The following DSCAML1 variants were observed in gnomAD, a reference collection of about 807,000 sequenced individuals.
DSCAML1 encodes cell adhesion molecule DSCAML1.
DSCAML1 carries 38 observed loss-of-function variants against 200.5 expected under a neutral mutation model. That is an observed-to-expected ratio of 0.19 (90% CI 0.15 to 0.25). The LOEUF (loss-of-function observed/expected upper bound fraction) is 0.25, where lower values mean the gene tolerates loss of function less well. Among genes scored for constraint, DSCAML1 ranks in the 10% least tolerant of loss-of-function variants. The probability of loss-of-function intolerance (pLI) is 1.00; values close to 1 mark genes in which losing one functional copy is unlikely to be tolerated. For synonymous variants in DSCAML1, 1,215 were observed against 1,165.0 expected, an observed-to-expected ratio of 1.04 and a Z score of -0.87; for missense variants, 2,223 against 2,858.8, an observed-to-expected ratio of 0.78 and a Z score of 5.07.
intron 1 of DSCAML1, among the ~76,000 whole-genome samples, chr11:117,810,621 T>C (rs761309669): frequency 1.3e-5 from 2 of 152,102 alleles, no homozygotes; most frequent in Non-Finnish European, 2.9e-5. Context: ...TAAAACCTCT[T>C]CAACTCTCAC....
intron 11 of DSCAML1, among the ~76,000 whole-genome samples, chr11:117,499,291 A>G (rs530996073): frequency 2.2e-4 from 33 of 152,156 alleles, no homozygotes; most frequent in African/African-American, 5.5e-4. Context: ...TTTATTTTCA[A>G]CCAAGTTCTG....
chr11:117,796,205 TCTGGACATGC>T (rs1379556778), intron 1 of DSCAML1, among the ~76,000 whole-genome samples: 1 of 152,078 alleles, frequency 6.6e-6, no homozygotes, highest in East Asian at 1.9e-4. Context: ...CAGCCGCAGG[TCTGGACATGC>T]CGGACACCTG....
upstream of DSCAML1, chr11:117,801,538 TTGAGA>T (rs572072774): frequency 2.4e-3 from 363 of 152,362 alleles, 1 homozygote; most frequent in African/African-American, 8.1e-3. Context: ...TACCATCTTC[TTGAGA>T]TGAGATGAAT....
chr11:117,431,954 C>A (rs2047808626), intron 30 of DSCAML1, among the ~76,000 whole-genome samples: 1 of 152,156 alleles, frequency 6.6e-6, no homozygotes, highest in African/African-American at 2.4e-5. Context: ...TCCCCGCCCA[C>A]CCCATCTTTT....
chr11:117,483,916 T>C (rs563022626), intron 11 of DSCAML1, among the ~76,000 whole-genome samples: 2 of 151,406 alleles, frequency 1.3e-5, no homozygotes, highest in Admixed American at 1.3e-4. Context: ...GGAATACCTC[T>C]TGTCACAGCA....
intron 3 of DSCAML1, among the ~76,000 whole-genome samples, chr11:117,537,749 C>T (rs958391318): frequency 1.3e-5 from 2 of 152,142 alleles, no homozygotes; most frequent in Admixed American, 6.5e-5. Flanking sequence ...TGTGCAGAGG[C>T]GGAAGCAGAG....
At chr11:117,581,359 G>C (rs2051035560) in intron 3 of DSCAML1, among the ~76,000 whole-genome samples, 1 of 152,130 alleles carries the variant, frequency 6.6e-6, no homozygotes, top group African/African-American at 2.4e-5. Context: ...ACCCATTTTA[G>C]TGTACAATTC....
At chr11:117,519,886 G>A (rs931883252) in intron 6 of DSCAML1, among the ~76,000 whole-genome samples, 5 of 152,196 alleles carry the variant, frequency 3.3e-5, no homozygotes, top group Non-Finnish European at 5.9e-5. Context: ...GAGGAATGAG[G>A]GCTTAGGTTC....
intron 3 of DSCAML1, among the ~76,000 whole-genome samples, chr11:117,600,914 C>T (rs565061694): frequency 6.6e-6 from 1 of 152,100 alleles, no homozygotes; most frequent in Admixed American, 6.5e-5. Context: ...TCCCACAGAC[C>T]CAACTGTGCT....
chr11:117,464,807 G>T (rs1395809677), intron 17 of DSCAML1, 135 bp downstream of exon 17: 2 of 1,346,760 alleles, frequency 1.5e-6, no homozygotes, highest in Non-Finnish European at 2.0e-6. Flanking sequence ...TGGCGGGGAT[G>T]CAGGGAGCCT....
chr11:117,557,915 G>T (rs2050588320), intron 3 of DSCAML1, among the ~76,000 whole-genome samples: 1 of 152,102 alleles, frequency 6.6e-6, no homozygotes, highest in Admixed American at 6.6e-5. Flanking sequence ...CTGGGTGTGA[G>T]GAGAGAGCAG....
intron 14 of DSCAML1, among the ~76,000 whole-genome samples, chr11:117,473,184 A>G (rs1217301358): frequency 6.7e-6 from 1 of 150,270 alleles, no homozygotes; most frequent in South Asian, 2.1e-4. Flanking sequence ...GACTAAAAAA[A>G]TTTTTTTTTG....
At chr11:117,774,369 G>A (rs56335079) in intron 3 of DSCAML1, among the ~76,000 whole-genome samples, 181 of 152,302 alleles carry the variant, frequency 1.2e-3, no homozygotes, top group African/African-American at 4.2e-3. Context: ...AACCGCAAGC[G>A]CAAATGCTCT....
At chr11:117,637,170 G>A (rs2052306512) in intron 3 of DSCAML1, among the ~76,000 whole-genome samples, 1 of 151,986 alleles carries the variant, frequency 6.6e-6, no homozygotes, top group African/African-American at 2.4e-5. Flanking sequence ...CCCAAGACTG[G>A]GGTTGAAGGC....
intron 3 of DSCAML1, among the ~76,000 whole-genome samples, chr11:117,574,809 C>G (rs910194190): frequency 1.3e-5 from 2 of 152,184 alleles, no homozygotes; most frequent in African/African-American, 4.8e-5. Context: ...AAGAGCAGTA[C>G]TTAGAGGAAA....
intron 18 of DSCAML1, 63 bp from the exon 19 acceptor site, chr11:117,458,972 C>T (rs2048426631): frequency 6.4e-7 from 1 of 1,574,336 alleles, no homozygotes; most frequent in Non-Finnish European, 8.6e-7. Context: ...TGCTGCTACC[C>T]CTGCTGCCTG....
rs2053482542 is a variant in DSCAML1, at chr11:117,690,931, G to C, written c.511+85860C>G. On this transcript the variant is annotated intron_variant, in intron 3 of 32. Transcript: ENST00000651296. The stretch of plus-strand genomic sequence containing the variant: ...CATGAGACTGTTGGTTTGAAGCAAG[G>C]GTTCCACAGCTAAAACCTCAAACCA... Among the ~76,000 whole-genome samples the C allele has an allele frequency of 2.0e-5, 3 of 152,100 alleles. No individual in the cohort carries two copies. In the South Asian group the frequency reaches 6.2e-4, roughly 32 times the overall value.
At chr11:117,745,953 G>A (rs1247628577) in intron 3 of DSCAML1, among the ~76,000 whole-genome samples, 2 of 152,020 alleles carry the variant, frequency 1.3e-5, no homozygotes, top group African/African-American at 2.4e-5. Flanking sequence ...GGTGGCTCAC[G>A]CCTGTAATCC....
chr11:117,577,519 TTCCTTCCTTCCTTCCTTTCC>T (rs2050965688), intron 3 of DSCAML1, among the ~76,000 whole-genome samples: 1 of 23,898 alleles, frequency 4.2e-5, no homozygotes, highest in Admixed American at 3.9e-4. Context: ...CCTTCCTTCC[TTCCTTCCTTCCTTCCTTTCC>T]TTCCTTCCCT....
Sources: allele counts gnomAD v4.1 joint callset (sites outside exome capture counted in the v4.1 genomes callset), GRCh38; gene constraint gnomAD v4.1.1; transcripts MANE v1.5; gene names NCBI Gene and HGNC (gene_info 2026-07-23, HGNC 2026-07-21).